Variants in YY1 observed in about 807,000 individuals in gnomAD.
YY1 encodes the protein YY1 transcription factor, also known as transcriptional repressor protein YY1.
Under a neutral mutation model 35.6 loss-of-function variants are expected in YY1, and 2 were observed. The ratio of observed to expected loss-of-function variants is 0.06; its 90% CI spans 0.02 to 0.18. The LOEUF is 0.18. YY1 is among the 10% of genes least tolerant of loss of function. The pLI is 1.00. For synonymous variants in YY1, 268 were observed against 238.9 expected (o/e 1.12, Z -1.12); for missense variants, 322 against 573.4 (o/e 0.56, Z 4.48).
rs1319475215 is a variant in YY1, at chr14:100,282,320, A to T, written c.*4720A>T. ...TGTAAAAAAAAAAAACAGCACTGGG[A>T]TGTGTTGAGGAGGGGGCAGTTTGCT... On this transcript the variant is annotated 3_prime_UTR_variant, in exon 5 of 5. Transcript: ENST00000262238. 1 of 150,924 alleles carries T rather than the reference A, an allele frequency of 6.6e-6. No homozygotes were observed. Among genetic ancestry groups the T allele is most frequent in the Admixed American group, 6.6e-5 (1 of 15,152 alleles). The allele number at this position is 150,924 out of a possible 1,614,324, so 9.3% of individuals were successfully genotyped here.
At chr14:100,265,902 CT>C (rs1891147837) in intron 2 of YY1, among the ~76,000 whole-genome samples, 1 of 152,144 alleles carries the variant, frequency 6.6e-6, no homozygotes, top group African/African-American at 2.4e-5. Context: ...CCGCCTCGGC[CT>C]CCCAAAGGGC....
chr14:100,250,522 A>C (rs1890908566), intron 1 of YY1, among the ~76,000 whole-genome samples: 1 of 152,140 alleles, frequency 6.6e-6, no homozygotes, highest in Admixed American at 6.6e-5. Flanking sequence ...AATTACCATC[A>C]ACCCTAATGA....
intron 1 of YY1, among the ~76,000 whole-genome samples, chr14:100,251,981 G>T (rs1193030892): frequency 6.6e-6 from 1 of 152,212 alleles, no homozygotes; most frequent in Non-Finnish European, 1.5e-5. Context: ...AGGCTGGAGT[G>T]ACAGGAATGA....
At chr14:100,258,377 A>C (rs1891033222) in intron 1 of YY1, among the ~76,000 whole-genome samples, 1 of 152,024 alleles carries the variant, frequency 6.6e-6, no homozygotes, top group Non-Finnish European at 1.5e-5. Flanking sequence ...TTCGGAATAC[A>C]TCCAGCTATT....
rs1890691426 is a variant in YY1 at position 100,239,517 on chromosome 14, C to G, written c.273C>G (p.Thr91=). ...PPMIALQPLV[T]DDPTQVHHHQ... The stretch of plus-strand genomic sequence containing the variant: ...TGATCGCTCTGCAGCCGCTGGTCAC[C>G]GACGACCCGACCCAGGTGCACCACC... The change falls in exon 1 of 5, where the codon ACC becomes ACG. Residue 91 remains threonine, a synonymous_variant. Coordinates refer to ENST00000262238, the MANE Select transcript of YY1 (RefSeq NM_003403.5). 6.2e-7 allele frequency: 1 copy of G among 1,611,378 alleles called. No homozygotes were observed. The highest frequency in any genetic ancestry group is 1.7e-5 in the Admixed American group (1 of 59,910).
intron 1 of YY1, among the ~76,000 whole-genome samples, chr14:100,256,899 A>G (rs952032209): frequency 6.6e-6 from 1 of 151,878 alleles, no homozygotes; most frequent in African/African-American, 2.4e-5. Context: ...GGAAATATAG[A>G]GGTTGGATTT....
chr14:100,257,800 A>C (rs1891025243), intron 1 of YY1, among the ~76,000 whole-genome samples: 1 of 150,044 alleles, frequency 6.7e-6, no homozygotes, highest in African/African-American at 2.5e-5. Context: ...AGACACTTTC[A>C]TCAGTAGCTT....
At chr14:100,267,856 T>C (rs1415253127) in intron 2 of YY1, among the ~76,000 whole-genome samples, 1 of 152,256 alleles carries the variant, frequency 6.6e-6, no homozygotes, top group Non-Finnish European at 1.5e-5. Flanking sequence ...CATGTTCATC[T>C]GAACAAATAT....
At position 100,282,762 on chromosome 14, in the gene YY1, T is replaced by C. The variant is rs536240211; in HGVS notation, c.*5162T>C. The C allele has an allele frequency of 2.0e-5, 3 of 152,336 alleles. No individual in the cohort carries two copies. Among genetic ancestry groups the C allele is most frequent in the African/African-American group, 4.8e-5 (2 of 41,580 alleles). 9.4% of individuals were successfully genotyped at this position (152,336 alleles called of 1,614,324 possible). A position where few individuals can be genotyped will look rare whatever the true frequency, so the allele number is the denominator to read the frequency against. ...GCATGTGTAATATGGCTCTATACAA[T>C]ATAATAAATGCATAATGTTAAGCTT... is the stretch of plus-strand genomic sequence containing the variant. On this transcript the variant is annotated 3_prime_UTR_variant, in exon 5 of 5. Coordinates refer to ENST00000262238, the MANE Select transcript of YY1 (RefSeq NM_003403.5).
intron 1 of YY1, among the ~76,000 whole-genome samples, chr14:100,261,386 C>T (rs981961233): frequency 1.4e-4 from 22 of 151,996 alleles, no homozygotes; most frequent in East Asian, 1.9e-4. Context: ...GATGGGGTTT[C>T]GCCGTGTTGG....
intron 1 of YY1, among the ~76,000 whole-genome samples, chr14:100,254,477 C>T (rs1356820655): frequency 6.6e-6 from 1 of 151,826 alleles, no homozygotes; most frequent in African/African-American, 2.4e-5. Context: ...CTTTTCTTTT[C>T]GACGGAGTCT....
At chr14:100,271,221 T>TG (rs1320362294) in intron 2 of YY1, among the ~76,000 whole-genome samples, 1 of 152,216 alleles carries the variant, frequency 6.6e-6, no homozygotes, top group Admixed American at 6.5e-5. Flanking sequence ...CACTCCAGCC[T>TG]GGGCGACAGA....
intron 3 of YY1, among the ~76,000 whole-genome samples, 155 bp downstream of exon 3, chr14:100,274,913 T>C (rs1306505649): frequency 1.3e-5 from 2 of 152,228 alleles, no homozygotes; most frequent in Non-Finnish European, 2.9e-5. Context: ...AGTTTTGTTA[T>C]TTAGTAAAGG....
chr14:100,260,217 C>CAA (rs1450243913), intron 1 of YY1, among the ~76,000 whole-genome samples: 1 of 151,994 alleles, frequency 6.6e-6, no homozygotes, highest in Non-Finnish European at 1.5e-5. Context: ...GCTGGGCTTA[C>CAA]AGGCGCCCGC....
In YY1 at chr14:100,272,958, TTTTTTTG is replaced by T. The variant is rs780597796; in HGVS notation, c.843-1733_843-1727del. 4.6e-4 allele frequency among the ~76,000 whole-genome samples: 61 copies of T among 132,358 alleles called. 1 individual carries two copies. The highest frequency in any genetic ancestry group is 7.7e-4 in the Non-Finnish European group (47 of 61,306). 86.8% of individuals were successfully genotyped at this position (132,358 alleles called of 152,430 possible). The stretch of plus-strand genomic sequence containing the variant: ...GCCCCCAGCTAGTTTTTTGTTGTTT[TTTTTTTG>T]TTTTTTTTTTTTTGAGACGGTATTT... On this transcript the variant is annotated intron_variant, in intron 2 of 4. Transcript: ENST00000262238.
In YY1 at chr14:100,280,772, G is replaced by C. The variant is rs956892382; in HGVS notation, c.*3172G>C. 1.1e-4 allele frequency: 16 copies of C among 152,112 alleles called. No individual in the cohort carries two copies. The highest frequency in any genetic ancestry group is 3.9e-4 in the African/African-American group (16 of 41,416). 9.4% of individuals were successfully genotyped at this position (152,112 alleles called of 1,614,324 possible). A position where few individuals can be genotyped will look rare whatever the true frequency, so the allele number is the denominator to read the frequency against. On this transcript the variant is annotated 3_prime_UTR_variant, in exon 5 of 5. Transcript: ENST00000262238. ...TGAGAGTCACTTCCAGTCGGGGGAA[G>C]CCCGCCTGAGCAGTGTTTTGAGAGT...
At chr14:100,263,654 G>T (rs1331328851) in intron 2 of YY1, 1 of 152,110 alleles carries the variant, frequency 6.6e-6, no homozygotes, top group African/African-American at 2.4e-5. Context: ...AGGAAATTTC[G>T]GCAAGGGCAG....
chr14:100,239,542 C>A lies in YY1; in HGVS notation c.298C>A (p.His100Asn). ...VTDDPTQVHH[H>N]QEVILVQTRE... is the part of the protein sequence containing the mutation. ...CGACGACCCGACCCAGGTGCACCACCACCAGGAGGTGATCCTGGTGCAGAC... is the reference window on the plus strand; with the variant it reads ...CGACGACCCGACCCAGGTGCACCACAACCAGGAGGTGATCCTGGTGCAGAC... Residue 100 changes from histidine (H) to asparagine (N), a missense_variant, in exon 1 of 5, where the codon CAC becomes AAC. Physicochemically the swap from His to Asn is moderately conservative, Grantham distance 68. Coordinates refer to ENST00000262238, the MANE Select transcript of YY1 (RefSeq NM_003403.5). 6.2e-7 allele frequency: 1 copy of A among 1,612,446 alleles called. No homozygotes were observed. Among genetic ancestry groups the A allele is most frequent in the Non-Finnish European group, 8.5e-7 (1 of 1,179,712 alleles).
intron 1 of YY1, among the ~76,000 whole-genome samples, chr14:100,248,312 T>C (rs1322290108): frequency 1.3e-5 from 2 of 151,844 alleles, no homozygotes; most frequent in African/African-American, 2.4e-5. Context: ...TTAGTAGAGA[T>C]GGGGTTTCAC....
Sources: gnomAD v4.1 joint callset for allele counts (sites outside exome capture counted in the v4.1 genomes callset) on GRCh38, gnomAD v4.1.1 for gene constraint, MANE v1.5 for transcripts, NCBI Gene and HGNC (gene_info 2026-07-23, HGNC 2026-07-21) for gene names.